The following DNAH12 variants were observed in gnomAD, a reference collection of about 807,000 sequenced individuals.
DNAH12 encodes axonemal beta dynein heavy chain 12.
DNAH12 carries 285 observed loss-of-function variants against 371.5 expected under a neutral mutation model. The observed-to-expected ratio is 0.77, with a 90% CI of 0.70 to 0.85. The LOEUF is 0.85. Ranked by LOEUF, DNAH12 falls within the 40% of genes least tolerant of loss-of-function variation. DNAH12 has a pLI of 0.00. For synonymous variants in DNAH12, 1,200 were observed against 1,213.0 expected, an observed-to-expected ratio of 0.99 and a Z score of 0.22; for missense variants, 3,611 against 3,689.4, an observed-to-expected ratio of 0.98 and a Z score of 0.55.
At chr3:57,339,120 G>C (rs996983244) in intron 60 of DNAH12, among the ~76,000 whole-genome samples, 2 of 152,078 alleles carry the variant, frequency 1.3e-5, no homozygotes, top group African/African-American at 4.8e-5. Flanking sequence ...GTCAACTCAG[G>C]GTTAAATGGA....
chr3:57,419,830 C>T (rs1366526633), intron 36 of DNAH12, among the ~76,000 whole-genome samples: 1 of 151,990 alleles, frequency 6.6e-6, no homozygotes, highest in East Asian at 1.9e-4. Flanking sequence ...GATACTTTTG[C>T]CTTTATGTCT....
chr3:57,338,102 C>T (rs752280647), intron 60 of DNAH12, among the ~76,000 whole-genome samples: 5 of 152,194 alleles, frequency 3.3e-5, no homozygotes, highest in African/African-American at 7.2e-5. Context: ...AACCTCCCTG[C>T]CTCGGGCTCC....
intron 69 of DNAH12, among the ~76,000 whole-genome samples, chr3:57,302,554 TATATATATA>T (rs1486079447): frequency 4.1e-4 from 40 of 98,396 alleles, no homozygotes; most frequent in African/African-American, 1.4e-3. Context: ...TATATATATA[TATATATATA>T]TGTATTTTTT....
intron 37 of DNAH12, among the ~76,000 whole-genome samples, chr3:57,417,190 T>A (rs1484924470): frequency 1.3e-5 from 2 of 151,688 alleles, no homozygotes; most frequent in Non-Finnish European, 2.9e-5. Flanking sequence ...GCAGAGGTTG[T>A]GGTGAGCTGA....
intron 60 of DNAH12, among the ~76,000 whole-genome samples, chr3:57,342,648 A>ACTCTGT (rs2062432096): frequency 2.1e-5 from 2 of 95,470 alleles, no homozygotes; most frequent in Non-Finnish European, 4.2e-5. Context: ...ACAGACTGAG[A>ACTCTGT]CTCAAAAAAA....
At chr3:57,409,941 T>C (rs1038728969) in intron 39 of DNAH12, among the ~76,000 whole-genome samples, 4 of 152,060 alleles carry the variant, frequency 2.6e-5, no homozygotes, top group Non-Finnish European at 4.4e-5. Flanking sequence ...AAAGATATGG[T>C]AGGTAGTTCC....
At chr3:57,379,608 A>C (rs1361551010) in intron 51 of DNAH12, among the ~76,000 whole-genome samples, 1 of 152,122 alleles carries the variant, frequency 6.6e-6, no homozygotes, top group Admixed American at 6.6e-5. Context: ...TGGGAGGCCA[A>C]GGCTGGCAGA....
intron 59 of DNAH12, among the ~76,000 whole-genome samples, chr3:57,353,597 C>T (rs1251326469): frequency 6.6e-6 from 1 of 152,142 alleles, no homozygotes; most frequent in African/African-American, 2.4e-5. Context: ...AGACAGCCTA[C>T]ACAATGGGAG....
At chr3:57,336,755 T>C (rs2153309689) in intron 60 of DNAH12, among the ~76,000 whole-genome samples, 1 of 152,268 alleles carries the variant, frequency 6.6e-6, no homozygotes, top group South Asian at 2.1e-4. Context: ...ATCCTCACAA[T>C]AAGAAAAAAG....
At chr3:57,360,719 T>C in intron 58 of DNAH12, among the ~76,000 whole-genome samples, 2 of 152,100 alleles carry the variant, frequency 1.3e-5, no homozygotes, top group Middle Eastern at 3.4e-3. Context: ...AAGTCCTCTG[T>C]CCCAGAGCAA....
intron 66 of DNAH12, among the ~76,000 whole-genome samples, chr3:57,312,078 T>C (rs2061594624): frequency 6.6e-6 from 1 of 152,122 alleles, no homozygotes; most frequent in Non-Finnish European, 1.5e-5. Flanking sequence ...ATGGTATAAG[T>C]TGTGGGTTGA....
At chr3:57,467,902 A>G (rs1273084413) in intron 17 of DNAH12, among the ~76,000 whole-genome samples, 1 of 152,194 alleles carries the variant, frequency 6.6e-6, no homozygotes, top group Non-Finnish European at 1.5e-5. Context: ...ATGAGACACC[A>G]AAACATCAAA....
At chr3:57,440,484 T>C (rs2065268092) in intron 29 of DNAH12, among the ~76,000 whole-genome samples, 2 of 152,054 alleles carry the variant, frequency 1.3e-5, no homozygotes, top group South Asian at 4.1e-4. Context: ...TGGGTACTCA[T>C]GAACATAATA....
chr3:57,427,944 T>C (rs35794388), intron 34 of DNAH12, among the ~76,000 whole-genome samples: 35,414 of 151,486 alleles, frequency 0.23, 4,771 homozygotes, highest in South Asian at 0.43. Context: ...TTTTTTTTTT[T>C]CTGAGACGGA....
intron 34 of DNAH12, among the ~76,000 whole-genome samples, chr3:57,427,101 C>T (rs2064795158): frequency 7.9e-6 from 1 of 126,394 alleles, no homozygotes; most frequent in African/African-American, 3.4e-5. Flanking sequence ...TCTTTCCCCT[C>T]TGTATATCAA....
intron 62 of DNAH12, among the ~76,000 whole-genome samples, chr3:57,329,080 G>C (rs1428272786): frequency 6.7e-6 from 1 of 148,976 alleles, no homozygotes; most frequent in African/African-American, 2.5e-5. Flanking sequence ...ACAAATGGAG[G>C]AACATTCCAT....
intron 62 of DNAH12, among the ~76,000 whole-genome samples, chr3:57,331,242 C>T (rs1382195075): frequency 6.6e-6 from 1 of 152,184 alleles, no homozygotes; most frequent in African/African-American, 2.4e-5. Flanking sequence ...AAAAACCCTA[C>T]ATGTGGTATT....
At position 57,385,628 on chromosome 3, in the gene DNAH12, T is replaced by C. The variant is rs997595594; in HGVS notation, c.7603-199A>G. 3.9e-5 allele frequency among the ~76,000 whole-genome samples: 6 copies of C among 152,310 alleles called. No individual in the cohort carries two copies. The South Asian group carries it at 1.2e-3, about 32-fold the overall frequency. The stretch of plus-strand genomic sequence containing the variant: ...CAAGCACGGTGGCTCACATCTGTAA[T>C]CCTAGCACTTTGGGAGGTCAAGGCC... On this transcript the variant is annotated intron_variant, in intron 47 of 73. Coordinates refer to ENST00000495027, the MANE Select transcript of DNAH12 (RefSeq NM_001366028.2).
intron 25 of DNAH12, 31 bp downstream of exon 25, chr3:57,452,812 A>C (rs1364578583): frequency 6.6e-7 from 1 of 1,513,722 alleles, no homozygotes; most frequent in Admixed American, 2.3e-5. Context: ...GTAATTATTA[A>C]TGTGTGAATT....
Sources: gnomAD v4.1 joint callset for allele counts (sites outside exome capture counted in the v4.1 genomes callset) on GRCh38, gnomAD v4.1.1 for gene constraint, MANE v1.5 for transcripts, NCBI Gene and HGNC (gene_info 2026-07-23, HGNC 2026-07-21) for gene names.